Variants in PHACTR1 observed in about 807,000 individuals in gnomAD.
The protein encoded by PHACTR1 is RPEL repeat containing 1.
A neutral mutation model predicts 69.2 loss-of-function variants in PHACTR1; 16 were observed. The ratio of observed to expected loss-of-function variants is 0.23; its 90% confidence interval spans 0.16 to 0.35. The LOEUF (loss-of-function observed/expected upper bound fraction) is 0.35, where lower values mean the gene tolerates loss of function less well. PHACTR1 is among the 10% of genes least tolerant of loss of function. The probability of loss-of-function intolerance (pLI) is 1.00; values close to 1 mark genes in which losing one functional copy is unlikely to be tolerated. For synonymous variants in PHACTR1, 312 were observed against 284.5 expected (o/e 1.10, Z -0.97); for missense variants, 510 against 734.7 (o/e 0.69, Z 3.54).
chr6:12,851,287 C>T (rs1481636455), intron 4 of PHACTR1, among the ~76,000 whole-genome samples: 4 of 152,046 alleles, frequency 2.6e-5, no homozygotes, highest in Non-Finnish European at 4.4e-5. Flanking sequence ...TCAAGGGAGG[C>T]TTGGGAAACA....
intron 4 of PHACTR1, among the ~76,000 whole-genome samples, chr6:12,860,477 A>G (rs529405858): frequency 6.6e-4 from 101 of 152,272 alleles, no homozygotes; most frequent in Non-Finnish European, 8.4e-4. Context: ...GCGTCTTTAT[A>G]GTAGAATGAT....
intron 4 of PHACTR1, among the ~76,000 whole-genome samples, chr6:13,052,353 A>G (rs1050181062): frequency 1.3e-5 from 2 of 152,252 alleles, no homozygotes; most frequent in African/African-American, 4.8e-5. Context: ...CAAGGAATGC[A>G]TAGGTTGCAG....
rs193116719 is a variant in PHACTR1 at position 12,882,709 on chromosome 6, T to C, written c.250+132919T>C. 4.6e-5 allele frequency among the ~76,000 whole-genome samples: 7 copies of C among 152,264 alleles called. No homozygotes were observed. The East Asian group carries it at 1.4e-3, about 29-fold the overall frequency. The stretch of plus-strand genomic sequence containing the variant: ...AGCCCCCAGGTTGGAGCAAACCCTA[T>C]CGCCCTTCTGGAAGGGTGGCTGTCT... On this transcript the variant is annotated intron_variant, in intron 4 of 14. Transcript: ENST00000332995.
chr6:13,088,858 C>A (rs996670878), intron 5 of PHACTR1, among the ~76,000 whole-genome samples: 1 of 152,138 alleles, frequency 6.6e-6, no homozygotes, highest in African/African-American at 2.4e-5. Context: ...TCCTCCTGGG[C>A]TCTCAAGATT....
In PHACTR1 at chr6:13,255,950, C is replaced by T. The variant is rs554276912; in HGVS notation, c.1392-16910C>T. Among the ~76,000 whole-genome samples, 7 of 152,296 alleles carry T rather than the reference C, an allele frequency of 4.6e-5. No individual in the cohort carries two copies. In the East Asian group the frequency reaches 1.3e-3, roughly 29 times the overall value. On this transcript the variant is annotated intron_variant, in intron 10 of 14. Coordinates refer to ENST00000332995, the MANE Select transcript of PHACTR1 (RefSeq NM_030948.6). ...CCACTAGGCAGTGCCCCAGTGGGGA[C>T]TCTGTGGGGGGGGCTCCAACCCCAC...
chr6:12,753,246 A>G (rs1431858323), intron 4 of PHACTR1, among the ~76,000 whole-genome samples: 1 of 152,226 alleles, frequency 6.6e-6, no homozygotes, highest in Admixed American at 6.5e-5. Context: ...GAGGTCGTTC[A>G]TTCACTGCAT....
In PHACTR1 at chr6:12,727,482, C is replaced by T. The variant is rs138133763; in HGVS notation, c.103+8635C>T. ...CATGTATTGTGATCCAGGACTCATACATAAAGTAGGGCATGGGGATGAGAG... is the reference window on the plus strand; with the variant it reads ...CATGTATTGTGATCCAGGACTCATATATAAAGTAGGGCATGGGGATGAGAG... On this transcript the variant is annotated intron_variant, in intron 3 of 14. Transcript: ENST00000332995. 1.7e-3 allele frequency among the ~76,000 whole-genome samples: 259 copies of T among 152,090 alleles called. 1 individual carries two copies. The highest frequency in any genetic ancestry group is 5.5e-3 in the African/African-American group (227 of 41,472).
chr6:12,848,063 G>A (rs1779461392), intron 4 of PHACTR1, among the ~76,000 whole-genome samples: 1 of 152,046 alleles, frequency 6.6e-6, no homozygotes, highest in Non-Finnish European at 1.5e-5. Context: ...ACATCATAAA[G>A]AAGAAAAGGA....
At chr6:12,787,819 A>G (rs946611826) in intron 4 of PHACTR1, among the ~76,000 whole-genome samples, 1 of 152,182 alleles carries the variant, frequency 6.6e-6, no homozygotes, top group Non-Finnish European at 1.5e-5. Flanking sequence ...AAGCTCTGCT[A>G]TTCCAGAGGG....
rs563762608 is a variant in PHACTR1, at chr6:12,876,457, T to C, written c.250+126667T>C. Among the ~76,000 whole-genome samples, 18 of 152,330 alleles carry C rather than the reference T, an allele frequency of 1.2e-4. No homozygotes were observed. In the South Asian group the frequency reaches 1.2e-3, roughly 11 times the overall value. ...ATCCAAGGTCGCACAGCTAGTAAAC[T>C]GCAGAGTTAGAAATCTGCTCTAATG... On this transcript the variant is annotated intron_variant, in intron 4 of 14. Coordinates refer to ENST00000332995, the MANE Select transcript of PHACTR1 (RefSeq NM_030948.6).
intron 5 of PHACTR1, among the ~76,000 whole-genome samples, chr6:13,096,034 C>T (rs1194674992): frequency 6.6e-6 from 1 of 151,994 alleles, no homozygotes; most frequent in African/African-American, 2.4e-5. Context: ...GAATGACCTT[C>T]TTCTCCTTTG....
intron 12 of PHACTR1, chr6:13,279,384 T>C (rs1252507030): frequency 6.6e-6 from 1 of 152,208 alleles, no homozygotes; most frequent in Non-Finnish European, 1.5e-5. Context: ...TTAATCAGCC[T>C]CCTACAGTGA....
chr6:13,204,314 G>A (rs116776250), intron 7 of PHACTR1, among the ~76,000 whole-genome samples: 193 of 152,248 alleles, frequency 1.3e-3, no homozygotes, highest in African/African-American at 4.6e-3. Context: ...GTTCAAGGCA[G>A]ATAGATCATT....
chr6:13,258,987 G>A (rs1775559721), intron 10 of PHACTR1, among the ~76,000 whole-genome samples: 1 of 152,208 alleles, frequency 6.6e-6, no homozygotes, highest in Admixed American at 6.5e-5. Flanking sequence ...ACGCAGGGAT[G>A]GTTGGAGGAG....
chr6:12,764,881 C>G (rs970100980), intron 4 of PHACTR1, among the ~76,000 whole-genome samples: 1 of 151,960 alleles, frequency 6.6e-6, no homozygotes, highest in African/African-American at 2.4e-5. Flanking sequence ...TCTGAGTGCT[C>G]TTGGTGGTGC....
chr6:12,963,109 A>G (rs1447283254), intron 4 of PHACTR1, among the ~76,000 whole-genome samples: 4 of 152,246 alleles, frequency 2.6e-5, no homozygotes. Flanking sequence ...GGATCTCAGA[A>G]TTCAGAGAAA....
intron 4 of PHACTR1, among the ~76,000 whole-genome samples, chr6:12,801,504 A>G (rs1428753365): frequency 6.6e-6 from 1 of 152,236 alleles, no homozygotes; most frequent in Non-Finnish European, 1.5e-5. Flanking sequence ...AAGAATAAAA[A>G]TAAAAAAGAA....
chr6:13,146,527 G>T (rs1823374825), intron 5 of PHACTR1, among the ~76,000 whole-genome samples: 1 of 152,200 alleles, frequency 6.6e-6, no homozygotes, highest in South Asian at 2.1e-4. Context: ...TTTCATTGCA[G>T]CAGGGTTGAT....
intron 4 of PHACTR1, among the ~76,000 whole-genome samples, chr6:12,842,377 G>A (rs780218426): frequency 3.3e-5 from 5 of 152,152 alleles, no homozygotes; most frequent in Admixed American, 6.6e-5. Flanking sequence ...ATATTTTCCT[G>A]TAAGGACAAT....
Sources: gnomAD v4.1 joint callset for allele counts (sites outside exome capture counted in the v4.1 genomes callset) on GRCh38, gnomAD v4.1.1 for gene constraint, MANE v1.5 for transcripts, NCBI Gene and HGNC (gene_info 2026-07-23, HGNC 2026-07-21) for gene names.